SNRNP70: variants seen among roughly 807,000 people sequenced by gnomAD.
SNRNP70 encodes U1 small nuclear ribonucleoprotein 70 kDa.
In SNRNP70, 8 loss-of-function variants were observed where a neutral mutation model predicts 50.5. The observed-to-expected ratio is 0.16, with a 90% CI of 0.09 to 0.29. The LOEUF is 0.29. Among genes scored for constraint, SNRNP70 ranks in the 10% least tolerant of loss-of-function variants. SNRNP70 has a pLI of 1.00. For synonymous variants in SNRNP70, 320 were observed against 252.9 expected (o/e 1.27, Z -2.52); for missense variants, 529 against 663.5 (o/e 0.80, Z 2.23).
rs1306191342 is a variant in SNRNP70 at position 49,108,463 on chromosome 19, T to C, written c.*20T>C. 20 of 1,575,796 alleles carry C rather than the reference T, an allele frequency of 1.3e-5. No homozygotes were observed. Among genetic ancestry groups the C allele is most frequent in the Non-Finnish European group, 1.6e-5 (19 of 1,162,046 alleles). ...GAGTGAAGAGGTCGTCCTCTCCATCTGCTGTGTTTGGACGCGTTCCTGCCC... is the reference window on the plus strand; with the variant it reads ...GAGTGAAGAGGTCGTCCTCTCCATCCGCTGTGTTTGGACGCGTTCCTGCCC... On this transcript the variant is annotated 3_prime_UTR_variant, in exon 10 of 10. Transcript: ENST00000598441.
At position 49,108,066 on chromosome 19, in the gene SNRNP70, G is replaced by C. The variant is rs748908696; in HGVS notation, c.937G>C (p.Gly313Arg). ...GCGCAAGGAGGAGCTGCGTGGCGGCGGTGGCGACATGGCGGAGCCCTCCGA... is the reference window on the plus strand; with the variant it reads ...GCGCAAGGAGGAGCTGCGTGGCGGCCGTGGCGACATGGCGGAGCCCTCCGA... ...RERKEELRGG[G>R]GDMAEPSEAG... The change falls in exon 10 of 10, where the codon GGT becomes CGT. Residue 313 changes from glycine to arginine, a missense_variant. Physicochemically the swap from Gly to Arg is moderately radical, Grantham distance 125. This residue lies in a region of SNRNP70 where 327 missense variants were observed against 308.8 expected (regional missense o/e 1.06). Transcript: ENST00000598441. 2 of 1,552,948 alleles carry C rather than the reference G, an allele frequency of 1.3e-6. No homozygotes were observed. Among genetic ancestry groups the C allele is most frequent in the Non-Finnish European group, 1.7e-6 (2 of 1,149,502 alleles).
chr19:49,108,311 T>C lies in SNRNP70; in HGVS notation c.1182T>C (p.Gly394=). Residue 394 remains glycine, a synonymous_variant, in exon 10 of 10, where the codon GGT becomes GGC. Coordinates refer to ENST00000598441, the MANE Select transcript of SNRNP70 (RefSeq NM_003089.6). ...GSERGRDEAR[G]GGGGQDNGLE... is the part of the protein sequence containing the mutation. Reference sequence around the variant, plus strand: ...AGCGGGGCAGGGATGAGGCCCGAGGTGGGGGCGGTGGCCAGGACAACGGGC... The same window carrying C: ...AGCGGGGCAGGGATGAGGCCCGAGGCGGGGGCGGTGGCCAGGACAACGGGC... 1 of 1,585,298 alleles carries C rather than the reference T, an allele frequency of 6.3e-7. No homozygotes were observed.
chr19:49,104,684 G>A lies in SNRNP70; in HGVS notation c.526G>A (p.Val176Met). Reference protein sequence around the residue: ...GKKIDGRRVLVDVERGRTVKG... With the variant: ...GKKIDGRRVLMDVERGRTVKG... ...GAAGATTGATGGCAGGAGGGTCCTT[G>A]TGGACGTGGAGAGGGGCCGAACCGT... Residue 176 changes from valine (V) to methionine (M), a missense_variant, in exon 8 of 10, where the codon GTG becomes ATG. Transcript: ENST00000598441. The surrounding 1 kb of genome is among the most constrained non-coding windows in gnomAD (Gnocchi z 5.4). The A allele has an allele frequency of 6.4e-7, 1 of 1,561,570 alleles. No individual in the cohort carries two copies. Among genetic ancestry groups the A allele is most frequent in the Non-Finnish European group, 8.7e-7 (1 of 1,152,666 alleles).
chr19:49,098,383 C>T (rs770555456), intron 4 of SNRNP70, 44 bp from the exon 5 acceptor site: 15 of 1,505,578 alleles, frequency 1.0e-5, no homozygotes, highest in Non-Finnish European at 3.7e-6. Flanking sequence ...CTACCTGAGA[C>T]CATGGACACC....
At chr19:49,094,826 C>T (rs1268302567) in intron 4 of SNRNP70, among the ~76,000 whole-genome samples, 1 of 152,192 alleles carries the variant, frequency 6.6e-6, no homozygotes, top group Non-Finnish European at 1.5e-5. Flanking sequence ...GTTGCTACTC[C>T]CATTTTTAAG....
intron 6 of SNRNP70, among the ~76,000 whole-genome samples, chr19:49,099,953 TAC>T (rs3838925): frequency 2.0e-4 from 31 of 151,222 alleles, no homozygotes; most frequent in South Asian, 6.3e-4. Flanking sequence ...TATATATGTG[TAC>T]ACACACACAC....
rs1362725586 is a variant in SNRNP70, at chr19:49,085,535, G to T, written c.-112G>T. ...GCGACGGAATCAGACGGACGTGGAC[G>T]CCCCCGGAGTGGAAGCCGAAGCAGG... On this transcript the variant is annotated 5_prime_UTR_variant, in exon 1 of 10. Transcript: ENST00000598441. 1 of 455,772 alleles carries T rather than the reference G, an allele frequency of 2.2e-6. No individual in the cohort carries two copies. The highest frequency in any genetic ancestry group is 2.0e-5 in the African/African-American group (1 of 50,058). The allele number at this position is 455,772 out of a possible 1,614,324, so 28.2% of individuals were successfully genotyped here.
chr19:49,095,113 G>T (rs898775726), intron 4 of SNRNP70, among the ~76,000 whole-genome samples: 1 of 152,248 alleles, frequency 6.6e-6, no homozygotes, highest in African/African-American at 2.4e-5. Flanking sequence ...CAGGACTTGG[G>T]GGTACCATTG....
chr19:49,095,558 A>T, intron 4 of SNRNP70, among the ~76,000 whole-genome samples: 1 of 137,978 alleles, frequency 7.2e-6, no homozygotes, highest in African/African-American at 2.7e-5. Flanking sequence ...TTTTTTGGAG[A>T]CAGTCTCACT....
chr19:49,100,933 A>G (rs1297197061), intron 6 of SNRNP70, among the ~76,000 whole-genome samples: 2 of 150,780 alleles, frequency 1.3e-5, no homozygotes, highest in Non-Finnish European at 2.9e-5. Context: ...CTTGCTCAAC[A>G]CCCTTCCCAG....
rs767510148 is a variant in SNRNP70, at chr19:49,098,639, T to C, written c.331-3T>C. The C allele has an allele frequency of 7.4e-6, 12 of 1,613,466 alleles. No individual in the cohort carries two copies. Among genetic ancestry groups the C allele is most frequent in the Middle Eastern group, 1.6e-4 (1 of 6,084 alleles). On this transcript the variant is annotated splice_region_variant and splice_polypyrimidine_tract_variant and intron_variant, in intron 5 of 9. Coordinates refer to ENST00000598441, the MANE Select transcript of SNRNP70 (RefSeq NM_003089.6). ...ATTTAACGTCATATCCATCTCCTTG[T>C]AGAATTATGACACAACAGAATCCAA... is the stretch of plus-strand genomic sequence containing the variant.
chr19:49,089,426 C>T (rs2040420834), intron 2 of SNRNP70, among the ~76,000 whole-genome samples: 4 of 151,688 alleles, frequency 2.6e-5, no homozygotes, highest in African/African-American at 9.7e-5. Flanking sequence ...GCAGTGAGCC[C>T]AGATCGCGCC....
intron 4 of SNRNP70, among the ~76,000 whole-genome samples, chr19:49,092,161 T>C (rs2040454942): frequency 1.3e-5 from 2 of 152,204 alleles, no homozygotes; most frequent in Non-Finnish European, 2.9e-5. Context: ...CAGGCTGGAG[T>C]GCAGTGGTGC....
Position 49,104,462 on chromosome 19 carries a change from C to T in SNRNP70, c.476-172C>T, listed in dbSNP as rs1347770050. On this transcript the variant is annotated intron_variant, in intron 7 of 9. Transcript: ENST00000598441. The surrounding 1 kb of genome is among the most constrained non-coding windows in gnomAD (Gnocchi z 5.4). ...AGACGCTGAGATGGAGCAGGCCCTT[C>T]ACCGGTTTGGGAGAGGGTTGGTCTG... 4 of 613,620 alleles carry T rather than the reference C, an allele frequency of 6.5e-6. No individual in the cohort carries two copies. The highest frequency in any genetic ancestry group is 5.5e-5 in the African/African-American group (3 of 54,288). The allele number at this position is 613,620 out of a possible 1,614,324, so 38.0% of individuals were successfully genotyped here.
At chr19:49,103,327 T>C (rs1306479160) in intron 7 of SNRNP70, 2 of 152,706 alleles carry the variant, frequency 1.3e-5, no homozygotes, top group African/African-American at 4.8e-5. Context: ...CCACGTCCTC[T>C]GCCTGTCTCC....
chr19:49,100,678 C>T (rs959239503), intron 6 of SNRNP70, among the ~76,000 whole-genome samples: 2 of 151,982 alleles, frequency 1.3e-5, no homozygotes, highest in East Asian at 1.9e-4. Flanking sequence ...TGGTGGCGCA[C>T]GCCTGTAATC....
In SNRNP70 at chr19:49,107,272, T is replaced by A. The variant is rs184736781; in HGVS notation, c.578-353T>A. On this transcript the variant is annotated intron_variant, in intron 8 of 9. Coordinates refer to ENST00000598441, the MANE Select transcript of SNRNP70 (RefSeq NM_003089.6). The surrounding 1 kb of genome is among the most constrained non-coding windows in gnomAD (Gnocchi z 6.0). ...AGCAAAGGCTTCTAAGCAGATCACATTTTTGGGTGGAAAGATCATTGGCTT... is the reference window on the plus strand; with the variant it reads ...AGCAAAGGCTTCTAAGCAGATCACAATTTTGGGTGGAAAGATCATTGGCTT... 9.2e-5 allele frequency among the ~76,000 whole-genome samples: 14 copies of A among 152,284 alleles called. No individual in the cohort carries two copies. Among genetic ancestry groups the A allele is most frequent in the Admixed American group, 3.9e-4 (6 of 15,302 alleles).
At chr19:49,090,390 A>T in intron 3 of SNRNP70, 37 bp downstream of exon 3, 1 of 1,612,994 alleles carries the variant, frequency 6.2e-7, no homozygotes, top group Non-Finnish European at 8.5e-7. Context: ...CTGTTTTACC[A>T]CTGTCTCCAG....
Position 49,104,605 on chromosome 19 carries a change from TCCCCTC to T in SNRNP70, c.476-19_476-14del. The T allele has an allele frequency of 6.6e-7, 1 of 1,524,228 alleles. No individual in the cohort carries two copies. The allele number at this position is 1,524,228 out of a possible 1,614,324, so 94.4% of individuals were successfully genotyped here. A position where few individuals can be genotyped will look rare whatever the true frequency, so the allele number is the denominator to read the frequency against. ...CTAGAGGACCCTCTGGGGACTCCTC[TCCCCTC>T]CCCCTCCCCACATCTGTTACAGCCG... On this transcript the variant is annotated intron_variant, in intron 7 of 9. Transcript: ENST00000598441. This position sits in a 1 kb window ranked among gnomAD's most constrained non-coding sequence, Gnocchi z 5.4.
Sources: allele counts gnomAD v4.1 joint callset (sites outside exome capture counted in the v4.1 genomes callset), GRCh38; gene constraint gnomAD v4.1.1; regional missense constraint gnomAD v4.1.1; non-coding constraint Gnocchi (gnomAD v3.1); transcripts MANE v1.5; gene names NCBI Gene and HGNC (gene_info 2026-07-23, HGNC 2026-07-21).